The following HERC1 variants were observed in gnomAD, a reference collection of about 807,000 sequenced individuals.
HERC1 encodes the protein probable E3 ubiquitin-protein ligase HERC1.
A neutral mutation model predicts 554.3 loss-of-function variants in HERC1; 160 were observed. That is an observed-to-expected ratio of 0.29 (90% CI 0.25 to 0.33). HERC1 has a LOEUF of 0.33. HERC1 is among the 10% of genes least tolerant of loss of function. HERC1 has a pLI of 1.00. For synonymous variants in HERC1, 2,175 were observed against 2,131.7 expected (o/e 1.02, Z -0.56); for missense variants, 4,919 against 5,918.5 (o/e 0.83, Z 5.54).
intron 25 of HERC1, among the ~76,000 whole-genome samples, chr15:63,702,671 TA>T (rs1159695070): frequency 1.3e-5 from 2 of 152,250 alleles, no homozygotes. Flanking sequence ...TTATGAAAAT[TA>T]AATGAGTTAC....
chr15:63,774,686 G>T lies in HERC1; in HGVS notation c.930+8C>A. 1 of 1,579,250 alleles carries T rather than the reference G, an allele frequency of 6.3e-7. No individual in the cohort carries two copies. On this transcript the variant is annotated splice_region_variant and intron_variant, in intron 2 of 77. Coordinates refer to ENST00000443617, the MANE Select transcript of HERC1 (RefSeq NM_003922.4). ...ATGAACTTTAAAGTTGAGACTTATA[G>T]TACGTACCAAAGAACGCCTCATCTG...
intron 67 of HERC1, among the ~76,000 whole-genome samples, chr15:63,633,600 G>A (rs968208272): frequency 6.6e-6 from 1 of 152,150 alleles, no homozygotes; most frequent in African/African-American, 2.4e-5. Flanking sequence ...GTCCTACAGT[G>A]TGAAACCCAT....
chr15:63,651,421 A>T, intron 52 of HERC1, 41 bp from the exon 53 acceptor site: 1 of 1,574,974 alleles, frequency 6.3e-7, no homozygotes, highest in Non-Finnish European at 8.6e-7. Flanking sequence ...AATCCCCATC[A>T]TTCAAAAGTA....
intron 25 of HERC1, among the ~76,000 whole-genome samples, chr15:63,704,501 G>A (rs575078828): frequency 2.6e-5 from 4 of 152,142 alleles, no homozygotes; most frequent in Admixed American, 2.6e-4. Context: ...CAGTAAGTCT[G>A]GAGCCATTTT....
intron 74 of HERC1, among the ~76,000 whole-genome samples, chr15:63,619,164 T>C (rs565433403): frequency 2.0e-5 from 3 of 152,294 alleles, no homozygotes; most frequent in East Asian, 3.9e-4. Context: ...TTTTGAGATA[T>C]GTCCCATCAA....
Position 63,636,027 on chromosome 15 carries a change from A to G in HERC1, c.12348T>C (p.His4116=). 6.2e-7 allele frequency: 1 copy of G among 1,613,820 alleles called. No individual in the cohort carries two copies. ...WGDGDYGKLG[H]GNSDRQRRPR... ...GCCGCCGCTGCCTGTCGCTGTTCCC[A>G]TGGCCAAGTTTACCATAGTCACCAT... The change falls in exon 65 of 78, where the codon CAT becomes CAC. Residue 4116 remains histidine, a synonymous_variant. Coordinates refer to ENST00000443617, the MANE Select transcript of HERC1 (RefSeq NM_003922.4).
In HERC1 at chr15:63,654,144, A is replaced by G; in HGVS notation, c.10265T>C (p.Ile3422Thr). The G allele has an allele frequency of 6.2e-7, 1 of 1,613,876 alleles. No homozygotes were observed. Among genetic ancestry groups the G allele is most frequent in the Non-Finnish European group, 8.5e-7 (1 of 1,179,738 alleles). Reference sequence around the variant, plus strand: ...TCTGTTCTGATGAGCCTCCAATTTGATAAAGGAGCATTTTCTAAGATCTCC... The same window carrying G: ...TCTGTTCTGATGAGCCTCCAATTTGGTAAAGGAGCATTTTCTAAGATCTCC... The part of the protein sequence containing the change: ...MGGDLRKCSF[I>T]KLEAHQNRVM... Residue 3422 changes from isoleucine (I) to threonine (T), a missense_variant, in exon 51 of 78, where the codon ATC (isoleucine) becomes ACC (threonine). Ile to Thr is a moderately conservative substitution (Grantham distance 89). Transcript: ENST00000443617.
chr15:63,736,342 A>C (rs2074504013), intron 12 of HERC1, among the ~76,000 whole-genome samples: 1 of 152,206 alleles, frequency 6.6e-6, no homozygotes, highest in Non-Finnish European at 1.5e-5. Context: ...TTCAAGACAA[A>C]GTGTTCATTC....
chr15:63,741,840 T>C (rs1337874104), intron 12 of HERC1, among the ~76,000 whole-genome samples: 1 of 152,246 alleles, frequency 6.6e-6, no homozygotes, highest in Non-Finnish European at 1.5e-5. Context: ...CATTGATCTA[T>C]ATATTTATCC....
intron 18 of HERC1, 119 bp from the exon 19 acceptor site, chr15:63,723,474 T>C (rs933255042): frequency 8.6e-6 from 6 of 697,778 alleles, no homozygotes; most frequent in Non-Finnish European, 7.0e-6. Context: ...TTTAAGTAGA[T>C]GCTACCAAGG....
At chr15:63,817,314 A>G (rs1486211350) in intron 1 of HERC1, among the ~76,000 whole-genome samples, 2 of 152,146 alleles carry the variant, frequency 1.3e-5, no homozygotes, top group Non-Finnish European at 2.9e-5. Context: ...TGGTATGATA[A>G]TGTTATTATG....
Position 63,729,508 on chromosome 15 carries a change from T to C in HERC1, c.3010A>G (p.Asn1004Asp). 1 of 1,613,692 alleles carries C rather than the reference T, an allele frequency of 6.2e-7. No individual in the cohort carries two copies. Among genetic ancestry groups the C allele is most frequent in the Non-Finnish European group, 8.5e-7 (1 of 1,179,636 alleles). The change falls in exon 15 of 78, where the codon AAC becomes GAC. Residue 1004 changes from asparagine (N) to aspartate (D), a missense_variant. Asn to Asp is a conservative substitution (Grantham distance 23). Around this residue, in one of 11 missense-constraint regions of HERC1, gnomAD observed 1,121 missense variants for 1,244.0 expected, o/e 0.90. Coordinates refer to ENST00000443617, the MANE Select transcript of HERC1 (RefSeq NM_003922.4). ...KQLLAFCHINNISENSSSVAL... is the reference protein window; with the variant it reads ...KQLLAFCHINDISENSSSVAL... ...AAATAATCGCATACCTCACTAATGT[T>C]ATTGATATGGCAAAATGCCAGCAGC... is the stretch of plus-strand genomic sequence containing the variant.
At position 63,622,818 on chromosome 15, in the gene HERC1, T is replaced by C. The variant is rs2068143927; in HGVS notation, c.13685A>G (p.Asp4562Gly). ...NATAEVGYNR[D>G]RFLFNPSACL... ...GAACACTTGCTGACTGCCATACCTG[T>C]CCCTATTGTAACCCACTTCTGCGGT... The change falls in exon 74 of 78, where the codon GAC (aspartate) becomes GGC (glycine). Residue 4562 changes from aspartate to glycine, a missense_variant. Around this residue, in one of 11 missense-constraint regions of HERC1, gnomAD observed 284 missense variants for 294.1 expected, o/e 0.97. Coordinates refer to ENST00000443617, the MANE Select transcript of HERC1 (RefSeq NM_003922.4). 1.2e-6 allele frequency: 2 copies of C among 1,601,230 alleles called. No homozygotes were observed. Among genetic ancestry groups the C allele is most frequent in the Non-Finnish European group, 1.7e-6 (2 of 1,173,834 alleles).
chr15:63,640,923 G>C (rs2069023524), intron 60 of HERC1, among the ~76,000 whole-genome samples: 1 of 152,132 alleles, frequency 6.6e-6, no homozygotes. Flanking sequence ...AGCCATCAAA[G>C]GAAAAGCAAA....
intron 44 of HERC1, among the ~76,000 whole-genome samples, chr15:63,662,764 G>A (rs928191334): frequency 6.6e-6 from 1 of 151,982 alleles, no homozygotes; most frequent in Admixed American, 6.6e-5. Context: ...TCTTGTCTGG[G>A]GAGAGAAACA....
In HERC1 at chr15:63,661,974, C is replaced by T. The variant is rs756029989; in HGVS notation, c.8949G>A (p.Leu2983=). The T allele has an allele frequency of 6.2e-7, 1 of 1,613,876 alleles. No homozygotes were observed. Among genetic ancestry groups the T allele is most frequent in the African/African-American group, 1.3e-5 (1 of 74,926 alleles). ...EDREEVVVCE[L]CECSVVSFNQ... is the part of the protein sequence containing the mutation. ...TGAAGCTGACGACGCTGCATTCACA[C>T]AGTTCACACACCACCACTTCTTCCC... Residue 2983 remains leucine (L), a synonymous_variant, in exon 45 of 78, where the codon CTG becomes CTA. Transcript: ENST00000443617.
intron 67 of HERC1, among the ~76,000 whole-genome samples, 175 bp downstream of exon 67, chr15:63,633,673 A>G (rs1446810144): frequency 6.6e-6 from 1 of 152,236 alleles, no homozygotes; most frequent in Non-Finnish European, 1.5e-5. Flanking sequence ...TTAATAGCTT[A>G]TTTAAAATCA....
intron 19 of HERC1, among the ~76,000 whole-genome samples, chr15:63,719,300 T>G (rs995840826): frequency 6.6e-6 from 1 of 152,056 alleles, no homozygotes; most frequent in Non-Finnish European, 1.5e-5. Context: ...CTAAATGAAG[T>G]GGGGGAAAAA....
intron 13 of HERC1, 131 bp from the exon 14 acceptor site, chr15:63,733,276 A>T: frequency 1.6e-6 from 1 of 627,514 alleles, no homozygotes; most frequent in Non-Finnish European, 2.8e-6. Flanking sequence ...GGAAGTACAT[A>T]ATTATAAAAA....
Sources: allele counts gnomAD v4.1 joint callset (sites outside exome capture counted in the v4.1 genomes callset), GRCh38; gene constraint gnomAD v4.1.1; regional missense constraint gnomAD v4.1.1; transcripts MANE v1.5; gene names NCBI Gene and HGNC (gene_info 2026-07-23, HGNC 2026-07-21).